The following MIA2 variants were observed in gnomAD, a reference collection of about 807,000 sequenced individuals.
MIA2 encodes the protein melanoma inhibitory activity protein 2.
MIA2 carries 127 observed loss-of-function variants against 167.8 expected under a neutral mutation model. That is an observed-to-expected ratio of 0.76 (90% CI 0.66 to 0.88). MIA2 has a LOEUF of 0.88. Among genes scored for constraint, MIA2 ranks in the 40% least tolerant of loss-of-function variants. The pLI is 0.00. For synonymous variants in MIA2, 552 were observed against 541.9 expected, an observed-to-expected ratio of 1.02 and a Z score of -0.26; for missense variants, 1,690 against 1,624.7, an observed-to-expected ratio of 1.04 and a Z score of -0.69.
chr14:39,272,274 C>CCCGGGAGGCGGAGGTTG (rs1483386118), intron 6 of MIA2, among the ~76,000 whole-genome samples: 17 of 152,170 alleles, frequency 1.1e-4, no homozygotes, highest in African/African-American at 2.4e-5. Flanking sequence ...ATCGCTTGAA[C>CCCGGGAGGCGGAGGTTG]CCGGGAGGCG....
chr14:39,349,037 A>C, intron 28 of MIA2, 60 bp downstream of exon 28: 1 of 1,550,664 alleles, frequency 6.4e-7, no homozygotes, highest in Non-Finnish European at 8.9e-7. Context: ...TCGGAGATTT[A>C]ATTTTACTAT....
At chr14:39,253,044 A>G in intron 5 of MIA2, 27 bp from the exon 6 acceptor site, 1 of 1,566,394 alleles carries the variant, frequency 6.4e-7, no homozygotes, top group Non-Finnish European at 8.7e-7. Flanking sequence ...ATATCATGCT[A>G]ACATATTTTT....
intron 15 of MIA2, 116 bp downstream of exon 15, chr14:39,302,365 T>A: frequency 8.5e-7 from 1 of 1,179,248 alleles, no homozygotes; most frequent in Non-Finnish European, 1.2e-6. Context: ...ACATTCTGTC[T>A]GTCTGTGACA....
At chr14:39,277,285 G>A (rs527685045) in intron 7 of MIA2, among the ~76,000 whole-genome samples, 1 of 151,774 alleles carries the variant, frequency 6.6e-6, no homozygotes, top group Non-Finnish European at 1.5e-5. Context: ...CAGCACTTTG[G>A]GAGGCCAAGG....
intron 23 of MIA2, among the ~76,000 whole-genome samples, chr14:39,381,505 T>C (rs1303236901): frequency 6.6e-6 from 1 of 152,118 alleles, no homozygotes; most frequent in Non-Finnish European, 1.5e-5. Context: ...AAGGACTTGA[T>C]TTAAGGACCA....
intron 23 of MIA2, among the ~76,000 whole-genome samples, chr14:39,376,953 G>T (rs2075057106): frequency 1.3e-5 from 2 of 152,244 alleles, no homozygotes; most frequent in African/African-American, 4.8e-5. Context: ...AGGAAAGGCA[G>T]TTGCTTGCAT....
At chr14:39,243,895 C>T (rs544396930) in intron 3 of MIA2, among the ~76,000 whole-genome samples, 150 of 152,142 alleles carry the variant, frequency 9.9e-4, no homozygotes, top group African/African-American at 3.4e-3. Context: ...GAATGAAGAC[C>T]CGAAGATACA....
chr14:39,245,064 C>T (rs558584724), intron 3 of MIA2, among the ~76,000 whole-genome samples: 6 of 135,744 alleles, frequency 4.4e-5, no homozygotes, highest in South Asian at 4.6e-4. Flanking sequence ...AGGCATGGGC[C>T]GCCGCACCTA....
In MIA2 at chr14:39,281,102, T is replaced by A. The variant is rs746008525; in HGVS notation, c.2130+1565T>A. Among the ~76,000 whole-genome samples the A allele has an allele frequency of 2.0e-5, 3 of 152,028 alleles. No individual in the cohort carries two copies. The East Asian group carries it at 5.8e-4, about 29-fold the overall frequency. On this transcript the variant is annotated intron_variant, in intron 9 of 28. Coordinates refer to ENST00000640607, the MANE Select transcript of MIA2 (RefSeq NM_001329214.4). ...CATGTCCAGCTAATTTTTTAAAATT[T>A]CTTGTAGAGATGGGGTTTTGCCATG... is the stretch of plus-strand genomic sequence containing the variant.
intron 23 of MIA2, among the ~76,000 whole-genome samples, chr14:39,364,177 G>A (rs766885634): frequency 1.0e-3 from 155 of 152,270 alleles, no homozygotes; most frequent in Middle Eastern, 3.4e-3. Context: ...GGCCAACATG[G>A]TGAAACCCTG....
chr14:39,339,583 A>ACTACACC (rs2153045764), intron 25 of MIA2, among the ~76,000 whole-genome samples: 1 of 152,338 alleles, frequency 6.6e-6, no homozygotes, highest in Non-Finnish European at 1.5e-5. Context: ...TAAAAGATAA[A>ACTACACC]TTATTAAAAA....
Position 39,314,743 on chromosome 14 carries a change from C to T in MIA2, c.3124C>T (p.Arg1042Ter), listed in dbSNP as rs2065026901. ...ATAATTATTCGTTCCATTTAGAAAG[C>T]GAGCCAAAGATCTTGAAGAAGAATT... ...ATEELETYRK[R>*]AKDLEEELER... The change falls in exon 20 of 29, where the codon CGA (arginine) becomes TGA (stop). Residue 1042 changes from arginine (R) to a stop codon, truncating the protein, a stop_gained. Coordinates refer to ENST00000640607, the MANE Select transcript of MIA2 (RefSeq NM_001329214.4). LOFTEE classifies it high-confidence loss of function. The T allele has an allele frequency of 3.2e-6, 5 of 1,586,730 alleles. No homozygotes were observed. Among genetic ancestry groups the T allele is most frequent in the Non-Finnish European group, 4.3e-6 (5 of 1,166,228 alleles).
downstream of MIA2, among the ~76,000 whole-genome samples, chr14:39,353,737 C>G (rs2074451400): frequency 1.3e-5 from 2 of 152,164 alleles, no homozygotes; most frequent in Admixed American, 6.5e-5. Context: ...ATAACAGGCC[C>G]TGGTTTGTGA....
intron 23 of MIA2, among the ~76,000 whole-genome samples, chr14:39,364,625 TCA>T (rs1422541532): frequency 3.3e-5 from 5 of 152,198 alleles, no homozygotes; most frequent in Non-Finnish European, 5.9e-5. Flanking sequence ...ATGAATTTTC[TCA>T]GTTTTTGCTT....
At chr14:39,360,063 C>G (rs577554331) in intron 23 of MIA2, among the ~76,000 whole-genome samples, 1 of 150,882 alleles carries the variant, frequency 6.6e-6, no homozygotes, top group African/African-American at 2.4e-5. Context: ...CCTGTAATCC[C>G]AGCACTTTGG....
chr14:39,385,665 A>C, intron 23 of MIA2: 1 of 953,614 alleles, frequency 1.0e-6, no homozygotes, highest in African/African-American at 1.6e-5. Flanking sequence ...GCTTAAATGC[A>C]ATCTTTTCTT....
intron 23 of MIA2, among the ~76,000 whole-genome samples, chr14:39,356,679 G>A (rs1309572828): frequency 1.3e-5 from 2 of 152,110 alleles, no homozygotes; most frequent in African/African-American, 4.8e-5. Context: ...GCTTTCTCTT[G>A]TGGGCATTTA....
chr14:39,235,667 A>G (rs887023783), intron 1 of MIA2, among the ~76,000 whole-genome samples: 1 of 151,988 alleles, frequency 6.6e-6, no homozygotes, highest in African/African-American at 2.4e-5. Context: ...AGTCCCAGCT[A>G]CTAGGGAGGC....
chr14:39,387,032 C>G lies in MIA2; in HGVS notation c.*80C>G, dbSNP rs1389678009. Reference sequence around the variant, plus strand: ...CAAGTGGAACAGAAGCCAGAAGGCCCTACAGTGCCGGGTAGCTGGCGGCGG... The same window carrying G: ...CAAGTGGAACAGAAGCCAGAAGGCCGTACAGTGCCGGGTAGCTGGCGGCGG... On this transcript the variant is annotated 3_prime_UTR_variant, in exon 24 of 24. Transcript: ENST00000341502. The G allele has an allele frequency of 7.0e-6, 5 of 718,706 alleles. No individual in the cohort carries two copies. In the South Asian group the frequency reaches 8.5e-5, roughly 12 times the overall value. 44.5% of individuals were successfully genotyped at this position (718,706 alleles called of 1,614,324 possible).
Sources: gnomAD v4.1 joint callset for allele counts (sites outside exome capture counted in the v4.1 genomes callset) on GRCh38, gnomAD v4.1.1 for gene constraint, MANE v1.5 for transcripts, NCBI Gene and HGNC (gene_info 2026-07-23, HGNC 2026-07-21) for gene names.